Variants in DOCK1 observed in about 807,000 individuals in gnomAD.
DOCK1 encodes the protein dedicator of cytokinesis protein 1.
Under a neutral mutation model 262.7 loss-of-function variants are expected in DOCK1, and 138 were observed. That is an observed-to-expected ratio of 0.53 (90% CI 0.46 to 0.61). The LOEUF (loss-of-function observed/expected upper bound fraction) is 0.61. DOCK1 is among the 20% of genes least tolerant of loss of function. The pLI is 0.00. For synonymous variants in DOCK1, 866 were observed against 867.4 expected, an observed-to-expected ratio of 1.00 and a Z score of 0.03; for missense variants, 1,908 against 2,370.7, an observed-to-expected ratio of 0.80 and a Z score of 4.05.
intron 33 of DOCK1, among the ~76,000 whole-genome samples, chr10:127,371,486 A>G (rs2065206447): frequency 6.6e-6 from 1 of 152,148 alleles, no homozygotes. Flanking sequence ...AGCAGAGAAA[A>G]CATGCCGTTT....
chr10:127,116,277 C>T (rs894479919), intron 25 of DOCK1, among the ~76,000 whole-genome samples: 2 of 152,152 alleles, frequency 1.3e-5, no homozygotes, highest in African/African-American at 4.8e-5. Flanking sequence ...CATTTGCTTT[C>T]ATTTTTGAGC....
intron 23 of DOCK1, among the ~76,000 whole-genome samples, chr10:127,080,864 T>G (rs1313784797): frequency 6.6e-6 from 1 of 152,222 alleles, no homozygotes; most frequent in Non-Finnish European, 1.5e-5. Context: ...AATTTGCCTC[T>G]GTACTCTCCG....
chr10:127,163,583 T>C (rs1007895090), intron 27 of DOCK1, among the ~76,000 whole-genome samples: 3 of 152,184 alleles, frequency 2.0e-5, no homozygotes, highest in Non-Finnish European at 4.4e-5. Flanking sequence ...TTGGGTGAAC[T>C]GATAACATGC....
intron 23 of DOCK1, among the ~76,000 whole-genome samples, chr10:127,065,854 CG>C (rs1309882111): frequency 1.8e-4 from 14 of 79,168 alleles, no homozygotes; most frequent in Non-Finnish European, 2.4e-4. Flanking sequence ...AACTCCATCT[CG>C]AAAAAAAAAT....
At chr10:127,174,473 T>C (rs1229027433) in intron 27 of DOCK1, among the ~76,000 whole-genome samples, 1 of 152,238 alleles carries the variant, frequency 6.6e-6, no homozygotes, top group African/African-American at 2.4e-5. Context: ...TTAAAGATGC[T>C]GCTGCACAGT....
At chr10:127,161,218 G>A (rs2053566427) in intron 27 of DOCK1, among the ~76,000 whole-genome samples, 1 of 152,224 alleles carries the variant, frequency 6.6e-6, no homozygotes, top group Admixed American at 6.5e-5. Context: ...GGAAACGCAA[G>A]TACATTGTCT....
intron 35 of DOCK1, among the ~76,000 whole-genome samples, chr10:127,376,173 C>T (rs1251622953): frequency 6.6e-6 from 1 of 152,148 alleles, no homozygotes; most frequent in African/African-American, 2.4e-5. Context: ...CCTAAGGGCT[C>T]TAATGGGAAA....
At chr10:126,948,853 G>T (rs1000774912) in intron 1 of DOCK1, among the ~76,000 whole-genome samples, 7 of 152,074 alleles carry the variant, frequency 4.6e-5, no homozygotes, top group Non-Finnish European at 1.5e-5. Context: ...CTTTCCTGAG[G>T]TTGGGGATAT....
At chr10:127,121,455 A>ATGTGTGTGTGTGTG (rs59477974) in intron 25 of DOCK1, among the ~76,000 whole-genome samples, 63,056 of 147,998 alleles carry the variant, frequency 0.43, 14,128 homozygotes, top group East Asian at 0.53. Flanking sequence ...GTATATGTAT[A>ATGTGTGTGTGTGTG]TGTGTGTGTG....
intron 22 of DOCK1, among the ~76,000 whole-genome samples, chr10:127,059,169 C>T (rs1026447449): frequency 1.3e-5 from 2 of 152,108 alleles, no homozygotes; most frequent in African/African-American, 4.8e-5. Context: ...AAGTCATTAG[C>T]TTTCAGACTT....
chr10:127,079,499 A>T (rs894938810), intron 23 of DOCK1, among the ~76,000 whole-genome samples: 7 of 151,918 alleles, frequency 4.6e-5, no homozygotes, highest in South Asian at 2.1e-4. Context: ...TTGGGAAGTA[A>T]TTTCTTTTAA....
At chr10:126,978,700 G>A (rs544328348) in intron 3 of DOCK1, among the ~76,000 whole-genome samples, 16 of 152,278 alleles carry the variant, frequency 1.1e-4, no homozygotes, top group African/African-American at 3.9e-4. Context: ...ATCTAATTAT[G>A]TTTGACCCGA....
chr10:126,993,681 A>G (rs2135047603), intron 6 of DOCK1, among the ~76,000 whole-genome samples: 1 of 152,318 alleles, frequency 6.6e-6, no homozygotes, highest in South Asian at 2.1e-4. Flanking sequence ...GCAGTGCAAA[A>G]AGCCTCTATT....
At chr10:127,297,068 G>A (rs2061528462) in intron 29 of DOCK1, among the ~76,000 whole-genome samples, 1 of 152,200 alleles carries the variant, frequency 6.6e-6, no homozygotes, top group African/African-American at 2.4e-5. Context: ...ATCAGCCACG[G>A]TGTGCAGAGG....
intron 25 of DOCK1, among the ~76,000 whole-genome samples, chr10:127,115,340 T>C (rs1390375008): frequency 6.6e-6 from 1 of 152,176 alleles, no homozygotes; most frequent in African/African-American, 2.4e-5. Flanking sequence ...CAATAGGCTG[T>C]GATGGCTTTA....
At chr10:126,957,665 A>G (rs1450482917) in intron 1 of DOCK1, among the ~76,000 whole-genome samples, 2 of 152,026 alleles carry the variant, frequency 1.3e-5, no homozygotes, top group South Asian at 2.1e-4. Context: ...TTCGTTGTAG[A>G]TACGGAGTCT....
At chr10:127,433,904 ATTC>A (rs1425367967) in intron 48 of DOCK1, among the ~76,000 whole-genome samples, 20 of 151,664 alleles carry the variant, frequency 1.3e-4, no homozygotes, top group African/African-American at 2.4e-4. Context: ...GCCCAAGACA[ATTC>A]TTCTTCTTCT....
chr10:127,347,654 C>T (rs1276126923), intron 31 of DOCK1, among the ~76,000 whole-genome samples: 4 of 149,230 alleles, frequency 2.7e-5, no homozygotes, highest in East Asian at 4.0e-4. Context: ...ACTTGGAGCC[C>T]CGTGGAGCTT....
At position 127,175,049 on chromosome 10, in the gene DOCK1, T is replaced by C. The variant is rs1346481622; in HGVS notation, c.2847+47285T>C. ...CAGGATGCAGTGACGTCTAGTATCA[T>C]AAAATAATCTGCGACCCCTTGGAGC... On this transcript the variant is annotated intron_variant, in intron 27 of 51. Coordinates refer to ENST00000623213, the MANE Select transcript of DOCK1 (RefSeq NM_001290223.2). The surrounding 1 kb of genome is among the most constrained non-coding windows in gnomAD (Gnocchi z 6.3). Among the ~76,000 whole-genome samples the C allele has an allele frequency of 1.3e-5, 2 of 152,152 alleles. No homozygotes were observed. The highest frequency in any genetic ancestry group is 4.8e-5 in the African/African-American group (2 of 41,452).
Sources: allele counts gnomAD v4.1 joint callset (sites outside exome capture counted in the v4.1 genomes callset), GRCh38; gene constraint gnomAD v4.1.1; non-coding constraint Gnocchi (gnomAD v3.1); transcripts MANE v1.5; gene names NCBI Gene and HGNC (gene_info 2026-07-23, HGNC 2026-07-21).